The following DLGAP1 variants were observed in gnomAD, a reference collection of about 807,000 sequenced individuals.
The protein encoded by DLGAP1 is disks large-associated protein 1.
Under a neutral mutation model 90.8 loss-of-function variants are expected in DLGAP1, and 11 were observed. That is an observed-to-expected ratio of 0.12 (90% CI 0.08 to 0.20). DLGAP1 has a LOEUF of 0.20. Ranked by LOEUF, DLGAP1 falls within the 10% of genes least tolerant of loss-of-function variation. The probability of loss-of-function intolerance (pLI) is 1.00; values close to 1 mark genes in which losing one functional copy is unlikely to be tolerated. For synonymous variants in DLGAP1, 558 were observed against 540.7 expected (o/e 1.03, Z -0.44); for missense variants, 1,050 against 1,333.8 (o/e 0.79, Z 3.31).
rs139732156 is a variant in DLGAP1, at chr18:4,391,608, C to T, written c.-267+63398G>A. On this transcript the variant is annotated intron_variant, in intron 1 of 12. Transcript: ENST00000315677. ...GAAGAAGCGACTACATAGCCCATAA[C>T]ATCCCTTTTGAATTCCAGCTTGCAA... Among the ~76,000 whole-genome samples the T allele has an allele frequency of 1.3e-3, 202 of 152,260 alleles. 1 individual carries two copies. The highest frequency in any genetic ancestry group is 2.3e-3 in the Non-Finnish European group (158 of 68,024).
chr18:3,794,151 G>C (rs753369787), intron 5 of DLGAP1, among the ~76,000 whole-genome samples: 2 of 152,156 alleles, frequency 1.3e-5, no homozygotes, highest in Non-Finnish European at 1.5e-5. Context: ...TTGTCAAGAA[G>C]GGCCTGGCTG....
chr18:3,674,307 A>ATG (rs201948985), intron 7 of DLGAP1, among the ~76,000 whole-genome samples: 13,592 of 139,912 alleles, frequency 0.097, 1,296 homozygotes, highest in African/African-American at 0.25. Context: ...ATATATATAT[A>ATG]TATATGTATA....
chr18:4,342,651 T>A lies in DLGAP1; in HGVS notation c.-267+112355A>T, dbSNP rs1040610966. The stretch of plus-strand genomic sequence containing the variant: ...TTAGCTCTATTGAAAATGTATTTGT[T>A]TTGGTTTTGGTTAATACTACATTTG... On this transcript the variant is annotated intron_variant, in intron 1 of 12. Transcript: ENST00000315677. This position sits in a 1 kb window ranked among gnomAD's most constrained non-coding sequence, Gnocchi z 5.8. Among the ~76,000 whole-genome samples the A allele has an allele frequency of 3.9e-5, 6 of 152,050 alleles. No homozygotes were observed. Among genetic ancestry groups the A allele is most frequent in the Non-Finnish European group, 8.8e-5 (6 of 68,022 alleles).
intron 9 of DLGAP1, among the ~76,000 whole-genome samples, chr18:3,549,018 G>A (rs537891693): frequency 3.3e-5 from 5 of 152,222 alleles, no homozygotes; most frequent in South Asian, 2.1e-4. Context: ...CAGCCCGGGC[G>A]ACAGGGCGAG....
intron 2 of DLGAP1, among the ~76,000 whole-genome samples, chr18:4,047,343 AG>A (rs1417106820): frequency 6.6e-6 from 1 of 152,226 alleles, no homozygotes; most frequent in Non-Finnish European, 1.5e-5. Context: ...ATTTTTTGGA[AG>A]GATATTGTAT....
intron 1 of DLGAP1, among the ~76,000 whole-genome samples, chr18:4,195,252 A>G (rs1309113923): frequency 6.6e-6 from 1 of 152,168 alleles, no homozygotes; most frequent in African/African-American, 2.4e-5. Flanking sequence ...CATGAGACAC[A>G]GTACAATATA....
chr18:3,543,825 G>T (rs1283345440), intron 9 of DLGAP1, among the ~76,000 whole-genome samples: 1 of 152,122 alleles, frequency 6.6e-6, no homozygotes, highest in South Asian at 2.1e-4. Context: ...CTAGGGGTAC[G>T]AGGAGGACAA....
chr18:3,715,955 GCT>G (rs2061746400), intron 7 of DLGAP1, among the ~76,000 whole-genome samples: 1 of 152,116 alleles, frequency 6.6e-6, no homozygotes, highest in Non-Finnish European at 1.5e-5. Context: ...AACCTCACTT[GCT>G]ACCAGTATGA....
In DLGAP1 at chr18:3,712,164, G is replaced by A. The variant is rs187030673; in HGVS notation, c.1591+16971C>T. Among the ~76,000 whole-genome samples the A allele has an allele frequency of 2.5e-3, 384 of 152,236 alleles. 1 individual carries two copies. Among genetic ancestry groups the A allele is most frequent in the Non-Finnish European group, 4.0e-3 (271 of 68,006 alleles). Reference sequence around the variant, plus strand: ...GAGTGGGGATCTCACTGCACTTTTTGCCTTCTCAATTCTCCTTGAGAAATG... The same window carrying A: ...GAGTGGGGATCTCACTGCACTTTTTACCTTCTCAATTCTCCTTGAGAAATG... On this transcript the variant is annotated intron_variant, in intron 7 of 12. Transcript: ENST00000315677.
chr18:4,115,494 C>CTTTCTTTCTTTT (rs554720987), intron 2 of DLGAP1, among the ~76,000 whole-genome samples: 146 of 145,778 alleles, frequency 1.0e-3, no homozygotes, highest in African/African-American at 3.8e-3. Flanking sequence ...TTCTTTCTTT[C>CTTTCTTTCTTTT]TTTTTTTTTG....
intron 1 of DLGAP1, chr18:4,294,350 G>T (rs2079923320): frequency 6.6e-6 from 1 of 152,242 alleles, no homozygotes; most frequent in African/African-American, 2.4e-5. Flanking sequence ...ATTCCACAGG[G>T]TTGAGAGTCA....
Position 3,517,764 on chromosome 18 carries a change from C to T in DLGAP1, c.2480-9103G>A, listed in dbSNP as rs1237801253. Reference sequence around the variant, plus strand: ...CCCGGGAGGCAGAGGTTGCAGTGAGCCGAGATCGTGCCATTGCACTCCAGC... The same window carrying T: ...CCCGGGAGGCAGAGGTTGCAGTGAGTCGAGATCGTGCCATTGCACTCCAGC... On this transcript the variant is annotated intron_variant, in intron 10 of 12. Transcript: ENST00000315677. This position sits in a 1 kb window ranked among gnomAD's most constrained non-coding sequence, Gnocchi z 4.1. Among the ~76,000 whole-genome samples the T allele has an allele frequency of 6.6e-6, 1 of 151,674 alleles. No homozygotes were observed. The highest frequency in any genetic ancestry group is 1.5e-5 in the Non-Finnish European group (1 of 67,992).
chr18:4,453,949 C>T (rs920522453), intron 1 of DLGAP1, among the ~76,000 whole-genome samples: 1 of 152,180 alleles, frequency 6.6e-6, no homozygotes. Flanking sequence ...GCACATCCTC[C>T]CCTTCTCTAG....
intron 1 of DLGAP1, among the ~76,000 whole-genome samples, chr18:4,394,424 T>G (rs2082399295): frequency 1.3e-5 from 2 of 152,222 alleles, no homozygotes; most frequent in Admixed American, 1.3e-4. Flanking sequence ...TTGAAAGAAC[T>G]TACTTCAAAC....
At position 3,785,292 on chromosome 18, in the gene DLGAP1, C is replaced by T. The variant is rs570243905; in HGVS notation, c.1172+28767G>A. Among the ~76,000 whole-genome samples, 219 of 152,300 alleles carry T rather than the reference C, an allele frequency of 1.4e-3. 1 individual carries two copies. Among genetic ancestry groups the T allele is most frequent in the African/African-American group, 4.7e-3 (194 of 41,566 alleles). On this transcript the variant is annotated intron_variant, in intron 5 of 12. Coordinates refer to ENST00000315677, the MANE Select transcript of DLGAP1 (RefSeq NM_004746.4). Reference sequence around the variant, plus strand: ...TCAAGGTCTCAGCAGGGCTGAGTTGCTTACGGATGCTGGAGGGGACAGCCT... The same window carrying T: ...TCAAGGTCTCAGCAGGGCTGAGTTGTTTACGGATGCTGGAGGGGACAGCCT...
chr18:4,158,168 T>A (rs980259367), intron 1 of DLGAP1, among the ~76,000 whole-genome samples: 6 of 152,178 alleles, frequency 3.9e-5, no homozygotes, highest in Non-Finnish European at 8.8e-5. Flanking sequence ...ATATGTACGA[T>A]CTATGAAATA....
intron 2 of DLGAP1, among the ~76,000 whole-genome samples, chr18:4,091,135 A>G (rs1447338362): frequency 6.6e-6 from 1 of 152,220 alleles, no homozygotes; most frequent in Non-Finnish European, 1.5e-5. Context: ...TAGCTAATGC[A>G]TGCAGGGCTT....
At chr18:4,109,374 C>T (rs1325595987) in intron 2 of DLGAP1, among the ~76,000 whole-genome samples, 1 of 152,084 alleles carries the variant, frequency 6.6e-6, no homozygotes, top group Non-Finnish European at 1.5e-5. Flanking sequence ...AGGTTCCACC[C>T]ACACTCAAAA....
chr18:4,220,027 G>A (rs2078042817), intron 1 of DLGAP1, among the ~76,000 whole-genome samples: 1 of 152,044 alleles, frequency 6.6e-6, no homozygotes, highest in African/African-American at 2.4e-5. Context: ...GATGACATTG[G>A]AATTTTGATA....
Sources: gnomAD v4.1 joint callset for allele counts (sites outside exome capture counted in the v4.1 genomes callset) on GRCh38, gnomAD v4.1.1 for gene constraint, Gnocchi (gnomAD v3.1) non-coding constraint, MANE v1.5 for transcripts, NCBI Gene and HGNC (gene_info 2026-07-23, HGNC 2026-07-21) for gene names.